Variants in PRR14L observed in about 807,000 individuals in gnomAD.
The protein encoded by PRR14L is protein PRR14L.
Under a neutral mutation model 155.0 loss-of-function variants are expected in PRR14L, and 80 were observed. The ratio of observed to expected loss-of-function variants is 0.52; its 90% CI spans 0.43 to 0.62. PRR14L has a LOEUF of 0.62. Among genes scored for constraint, PRR14L ranks in the 20% least tolerant of loss-of-function variants. The pLI, the probability that PRR14L is intolerant of heterozygous loss-of-function variation, is 0.00. For synonymous variants in PRR14L, 883 were observed against 916.0 expected (o/e 0.96, Z 0.65); for missense variants, 2,469 against 2,548.0 (o/e 0.97, Z 0.67).
chr22:31,745,861 A>AATATATAT (rs1398926635), intron 1 of PRR14L, among the ~76,000 whole-genome samples: 1 of 132,338 alleles, frequency 7.6e-6, no homozygotes, highest in Non-Finnish European at 1.6e-5. Flanking sequence ...AAAAAAAAAA[A>AATATATAT]ATATATATAT....
chr22:31,738,385 A>C lies in PRR14L; in HGVS notation c.474+2T>G. The C allele has an allele frequency of 6.5e-7, 1 of 1,550,104 alleles. No individual in the cohort carries two copies. The highest frequency in any genetic ancestry group is 8.7e-7 in the Non-Finnish European group (1 of 1,145,572). On this transcript the variant is annotated splice_donor_variant, in intron 2 of 8. Transcript: ENST00000327423. LOFTEE classifies it high-confidence loss of function. Reference sequence around the variant, plus strand: ...CTTCGGAATGGAGATTTCATTTCTTACCTGACTCGGGCTAGTCTTTTCTTC... The same window carrying C: ...CTTCGGAATGGAGATTTCATTTCTTCCCTGACTCGGGCTAGTCTTTTCTTC...
chr22:31,701,830 C>CCTTGTCTCAA, intron 6 of PRR14L, 68 bp from the exon 7 acceptor site: 11 of 1,257,012 alleles, frequency 8.8e-6, no homozygotes, highest in Non-Finnish European at 1.3e-5. Context: ...TTTTTTGAGA[C>CCTTGTCTCAA]AAGGTCTCAC....
intron 4 of PRR14L, among the ~76,000 whole-genome samples, chr22:31,708,826 T>A (rs2074605527): frequency 6.6e-6 from 1 of 151,974 alleles, no homozygotes. Flanking sequence ...GGATTTATTT[T>A]TTTATTTTTT....
intron 4 of PRR14L, among the ~76,000 whole-genome samples, chr22:31,705,901 T>C (rs1053836444): frequency 1.3e-5 from 2 of 152,048 alleles, no homozygotes; most frequent in South Asian, 4.2e-4. Context: ...CTCAGGAGGC[T>C]GAGACAGGAG....
At chr22:31,688,265 TCTCTC>T (rs746170377) in intron 7 of PRR14L, 38 bp from the exon 8 acceptor site, 24 of 1,525,666 alleles carry the variant, frequency 1.6e-5, no homozygotes, top group Middle Eastern at 4.5e-4. Context: ...TCAGGTTCTC[TCTCTC>T]TTTTTTTTTT....
chr22:31,736,553 G>A (rs1220093238), intron 2 of PRR14L, among the ~76,000 whole-genome samples: 1 of 152,202 alleles, frequency 6.6e-6, no homozygotes, highest in Non-Finnish European at 1.5e-5. Context: ...AGAGCGGGAT[G>A]GGAGCCTAGC....
At chr22:31,702,015 G>A (rs1486959597) in intron 6 of PRR14L, among the ~76,000 whole-genome samples, 1 of 152,078 alleles carries the variant, frequency 6.6e-6, no homozygotes, top group African/African-American at 2.4e-5. Flanking sequence ...GCCCAGGCTG[G>A]CCAGGAACTC....
chr22:31,699,183 T>A (rs1401138929), intron 7 of PRR14L, among the ~76,000 whole-genome samples: 8 of 151,982 alleles, frequency 5.3e-5, no homozygotes, highest in Non-Finnish European at 8.8e-5. Context: ...ATTACAGGCG[T>A]GTGCCACTAC....
intron 7 of PRR14L, among the ~76,000 whole-genome samples, chr22:31,690,473 C>T (rs929738247): frequency 1.1e-4 from 16 of 152,130 alleles, no homozygotes; most frequent in African/African-American, 3.6e-4. Flanking sequence ...GCGTGAGCCA[C>T]TGTGACTGGC....
Position 31,703,054 on chromosome 22 carries a change from G to A in PRR14L, c.6000+496C>T, listed in dbSNP as rs192646453. Among the ~76,000 whole-genome samples the A allele has an allele frequency of 4.3e-3, 651 of 151,362 alleles. 3 individuals carry two copies. The highest frequency in any genetic ancestry group is 6.5e-3 in the Admixed American group (98 of 15,148). On this transcript the variant is annotated intron_variant, in intron 6 of 8. Transcript: ENST00000327423. Reference sequence around the variant, plus strand: ...TGCTATTGAACTCCTGGACTCAAGCGATCCGCCCGCCTCAGCCTCCCAAAG... The same window carrying A: ...TGCTATTGAACTCCTGGACTCAAGCAATCCGCCCGCCTCAGCCTCCCAAAG...
intron 2 of PRR14L, among the ~76,000 whole-genome samples, chr22:31,728,365 C>T (rs2074729222): frequency 6.6e-6 from 1 of 152,130 alleles, no homozygotes; most frequent in African/African-American, 2.4e-5. Context: ...GTAATCCCAG[C>T]ACTTTGGGAG....
chr22:31,717,759 A>G (rs1419952735), intron 3 of PRR14L, among the ~76,000 whole-genome samples: 1 of 151,970 alleles, frequency 6.6e-6, no homozygotes, highest in Admixed American at 6.6e-5. Flanking sequence ...TTATTTATTT[A>G]TTTACCTATT....
chr22:31,739,126 A>C (rs1022023149), intron 1 of PRR14L, among the ~76,000 whole-genome samples: 1 of 152,248 alleles, frequency 6.6e-6, no homozygotes, highest in Non-Finnish European at 1.5e-5. Flanking sequence ...ATCAAATCTC[A>C]ATTCAAATAC....
chr22:31,692,256 ACAGTGGCTATAC>A (rs927100574), intron 7 of PRR14L, among the ~76,000 whole-genome samples: 12 of 151,296 alleles, frequency 7.9e-5, no homozygotes, highest in Non-Finnish European at 1.5e-4. Flanking sequence ...TTTTTTTTTT[ACAGTGGCTATAC>A]CATTTTACAT....
chr22:31,738,294 A>G (rs1330606269), intron 2 of PRR14L, 93 bp downstream of exon 2: 2 of 1,076,656 alleles, frequency 1.9e-6, no homozygotes, highest in Non-Finnish European at 2.6e-6. Context: ...TGTTTCAAGA[A>G]TAAATCATGA....
At position 31,685,727 on chromosome 22, in the gene PRR14L, G is replaced by T; in HGVS notation, c.6256C>A (p.Arg2086=). Residue 2086 remains arginine, a synonymous_variant, in exon 9 of 9, where the codon CGA becomes AGA. Coordinates refer to ENST00000327423, the MANE Select transcript of PRR14L (RefSeq NM_173566.3). The part of the protein sequence containing the change: ...LISISQQKRK[R]VLEFQDFTVP... ...GTAAAATCCTGAAATTCTAGAACTCGCTTCCTCTTCTGTTGGCTGATTGAG... is the reference window on the plus strand; with the variant it reads ...GTAAAATCCTGAAATTCTAGAACTCTCTTCCTCTTCTGTTGGCTGATTGAG... 1 of 1,551,494 alleles carries T rather than the reference G, an allele frequency of 6.4e-7. No homozygotes were observed. Among genetic ancestry groups the T allele is most frequent in the Non-Finnish European group, 8.7e-7 (1 of 1,146,930 alleles).
intron 2 of PRR14L, among the ~76,000 whole-genome samples, chr22:31,727,112 G>A (rs893541388): frequency 6.6e-6 from 1 of 152,184 alleles, no homozygotes; most frequent in Non-Finnish European, 1.5e-5. Flanking sequence ...AGGGGTTGGT[G>A]GGATTTTGCT....
chr22:31,739,902 A>G (rs1448262834), intron 1 of PRR14L, among the ~76,000 whole-genome samples: 1 of 152,160 alleles, frequency 6.6e-6, no homozygotes, highest in East Asian at 1.9e-4. Context: ...AGTTTAGTGT[A>G]CCAAACATGC....
At chr22:31,723,911 C>T (rs779782581) in intron 3 of PRR14L, among the ~76,000 whole-genome samples, 3 of 152,208 alleles carry the variant, frequency 2.0e-5, no homozygotes, top group African/African-American at 4.8e-5. Context: ...TGTTAGAAAT[C>T]GGGCGGCACA....
Sources: allele counts gnomAD v4.1 joint callset (sites outside exome capture counted in the v4.1 genomes callset), GRCh38; gene constraint gnomAD v4.1.1; transcripts MANE v1.5; gene names NCBI Gene and HGNC (gene_info 2026-07-23, HGNC 2026-07-21).